NSMCE2: variants seen among roughly 807,000 people sequenced by gnomAD.
NSMCE2 encodes E3 SUMO-protein ligase NSE2.
A neutral mutation model predicts 23.8 loss-of-function variants in NSMCE2; 24 were observed. The observed-to-expected ratio is 1.01, with a 90% CI of 0.73 to 1.42. The LOEUF (loss-of-function observed/expected upper bound fraction) is 1.42, where lower values mean the gene tolerates loss of function less well. Among genes scored for constraint, NSMCE2 ranks in the 40% most tolerant of loss-of-function variants. The pLI is 0.00. For missense variants in NSMCE2, 284 were observed against 296.5 expected (o/e 0.96, Z 0.31); for synonymous variants, 92 against 94.1 (o/e 0.98, Z 0.13).
intron 5 of NSMCE2, among the ~76,000 whole-genome samples, chr8:125,194,932 A>G (rs1013892099): frequency 6.6e-6 from 1 of 152,130 alleles, no homozygotes; most frequent in Admixed American, 6.6e-5. Flanking sequence ...CATATCTTCT[A>G]CATTTATTCT....
At chr8:125,217,500 AC>A (rs1824648802) in intron 5 of NSMCE2, among the ~76,000 whole-genome samples, 1 of 152,048 alleles carries the variant, frequency 6.6e-6, no homozygotes, top group African/African-American at 2.4e-5. Flanking sequence ...AGCTGGGACT[AC>A]GGGCACCTAC....
intron 4 of NSMCE2, among the ~76,000 whole-genome samples, chr8:125,165,680 A>C (rs1250220906): frequency 6.6e-6 from 1 of 152,196 alleles, no homozygotes; most frequent in Admixed American, 6.5e-5. Flanking sequence ...TATCTTCAGA[A>C]GTATTCTATA....
At chr8:125,272,760 T>C (rs941826013) in intron 5 of NSMCE2, among the ~76,000 whole-genome samples, 2 of 143,384 alleles carry the variant, frequency 1.4e-5, no homozygotes, top group Non-Finnish European at 3.0e-5. Context: ...CACACGTATA[T>C]ATATATACAC....
Position 125,287,743 on chromosome 8 carries a change from A to G in NSMCE2, c.419-69476A>G, listed in dbSNP as rs530870967. ...AAAAGAGTGTTCTGACTACCCAGGGACCACTTGTTTACTTCCATTTACTCC... is the reference window on the plus strand; with the variant it reads ...AAAAGAGTGTTCTGACTACCCAGGGGCCACTTGTTTACTTCCATTTACTCC... On this transcript the variant is annotated intron_variant, in intron 5 of 7. Coordinates refer to ENST00000287437, the MANE Select transcript of NSMCE2 (RefSeq NM_173685.4). Among the ~76,000 whole-genome samples, 40 of 152,104 alleles carry G rather than the reference A, an allele frequency of 2.6e-4. No homozygotes were observed. In the South Asian group the frequency reaches 7.9e-3, roughly 30 times the overall value.
intron 5 of NSMCE2, among the ~76,000 whole-genome samples, chr8:125,316,823 G>A (rs1278828544): frequency 1.4e-5 from 2 of 146,894 alleles, no homozygotes; most frequent in Admixed American, 7.0e-5. Context: ...CTGTTGCCAG[G>A]CTGGAGTTGA....
chr8:125,111,516 G>A (rs972251055), intron 3 of NSMCE2, among the ~76,000 whole-genome samples: 4 of 152,178 alleles, frequency 2.6e-5, no homozygotes, highest in Admixed American at 6.5e-5. Flanking sequence ...AAAATGTTTT[G>A]AGGCTGGTTG....
At chr8:125,347,854 A>G (rs1812845167) in intron 5 of NSMCE2, among the ~76,000 whole-genome samples, 1 of 152,210 alleles carries the variant, frequency 6.6e-6, no homozygotes, top group Non-Finnish European at 1.5e-5. Context: ...TAGTTAAGAG[A>G]AGAAAAGGAG....
intron 5 of NSMCE2, among the ~76,000 whole-genome samples, chr8:125,303,050 G>T (rs1344646575): frequency 6.6e-6 from 1 of 152,168 alleles, no homozygotes; most frequent in African/African-American, 2.4e-5. Context: ...CCTCACTCTT[G>T]CCATATTTAA....
intron 3 of NSMCE2, among the ~76,000 whole-genome samples, chr8:125,116,679 T>C (rs111774742): frequency 3.3e-5 from 5 of 152,286 alleles, no homozygotes; most frequent in African/African-American, 9.6e-5. Flanking sequence ...CCTACTTATG[T>C]CATTAGCAGT....
intron 5 of NSMCE2, among the ~76,000 whole-genome samples, chr8:125,349,992 G>T (rs1352391793): frequency 6.6e-6 from 1 of 152,212 alleles, no homozygotes; most frequent in African/African-American, 2.4e-5. Flanking sequence ...AATATGTTAA[G>T]TGTAATCTTG....
chr8:125,363,336 C>T (rs1421847127), intron 7 of NSMCE2: 2 of 151,962 alleles, frequency 1.3e-5, no homozygotes, highest in Non-Finnish European at 2.9e-5. Context: ...AACTCTGTCT[C>T]TACCAAAAAT....
At chr8:125,153,565 A>T (rs1821156878) in intron 4 of NSMCE2, among the ~76,000 whole-genome samples, 1 of 152,148 alleles carries the variant, frequency 6.6e-6, no homozygotes, top group Non-Finnish European at 1.5e-5. Context: ...GCAGCTTGGG[A>T]GGGGCCGGGA....
intron 4 of NSMCE2, among the ~76,000 whole-genome samples, chr8:125,176,032 T>C (rs1372441997): frequency 1.3e-5 from 2 of 152,336 alleles, no homozygotes; most frequent in African/African-American, 2.4e-5. Context: ...CTTGCTGACA[T>C]AGAGAAATGT....
rs34724865 is a variant in NSMCE2 at position 125,161,791 on chromosome 8, C to CAA, written c.264+10529_264+10530dup. On this transcript the variant is annotated intron_variant, in intron 4 of 7. Transcript: ENST00000287437. ...TGGGTGCCAGAGTGAGACAATGTCT[C>CAA]AAAAAAAAAAAAAAAATCGGAAACG... Among the ~76,000 whole-genome samples, 278 of 120,846 alleles carry CAA rather than the reference C, an allele frequency of 2.3e-3. 1 individual carries two copies. The highest frequency in any genetic ancestry group is 8.7e-3 in the Middle Eastern group (2 of 230). 79.3% of individuals were successfully genotyped at this position (120,846 alleles called of 152,430 possible).
At chr8:125,306,106 T>G (rs953495533) in intron 5 of NSMCE2, among the ~76,000 whole-genome samples, 1 of 152,064 alleles carries the variant, frequency 6.6e-6, no homozygotes, top group Admixed American at 6.6e-5. Flanking sequence ...GATGGGAGGA[T>G]TGCTTGAGCC....
At chr8:125,353,082 G>A (rs1476177335) in intron 5 of NSMCE2, among the ~76,000 whole-genome samples, 4 of 152,278 alleles carry the variant, frequency 2.6e-5, no homozygotes, top group South Asian at 4.1e-4. Flanking sequence ...TTGCATTTGA[G>A]TTGTGCTTTC....
At chr8:125,274,381 A>T (rs1827353680) in intron 5 of NSMCE2, among the ~76,000 whole-genome samples, 3 of 151,646 alleles carry the variant, frequency 2.0e-5, no homozygotes, top group African/African-American at 4.8e-5. Flanking sequence ...CACCTCAGTG[A>T]TTTTTTTTTA....
intron 5 of NSMCE2, among the ~76,000 whole-genome samples, chr8:125,194,259 C>T (rs1318404252): frequency 6.6e-6 from 1 of 152,132 alleles, no homozygotes. Flanking sequence ...GACTCCTCCC[C>T]CCATTCCCAG....
intron 4 of NSMCE2, among the ~76,000 whole-genome samples, chr8:125,172,134 G>A (rs1438807179): frequency 1.3e-5 from 2 of 152,120 alleles, no homozygotes. Context: ...CTAATACAAG[G>A]CAGAACTGGG....
Sources: gnomAD v4.1 joint callset for allele counts (sites outside exome capture counted in the v4.1 genomes callset) on GRCh38, gnomAD v4.1.1 for gene constraint, MANE v1.5 for transcripts, NCBI Gene and HGNC (gene_info 2026-07-23, HGNC 2026-07-21) for gene names.